The following CACNA2D4 variants were observed in gnomAD, a reference collection of about 807,000 sequenced individuals.
CACNA2D4 encodes calcium voltage-gated channel auxiliary subunit alpha2delta 4.
Under a neutral mutation model 163.8 loss-of-function variants are expected in CACNA2D4, and 157 were observed. That is an observed-to-expected ratio of 0.96 (90% confidence interval 0.84 to 1.09). The LOEUF (loss-of-function observed/expected upper bound fraction) is 1.09, where lower values mean the gene tolerates loss of function less well. Among genes scored for constraint, CACNA2D4 ranks in the 50% least tolerant of loss-of-function variants. CACNA2D4 has a pLI of 0.00. For synonymous variants in CACNA2D4, 598 were observed against 586.9 expected, an observed-to-expected ratio of 1.02 and a Z score of -0.27; for missense variants, 1,410 against 1,479.9, an observed-to-expected ratio of 0.95 and a Z score of 0.78.
At chr12:1,882,166 G>A (rs868616645) in intron 13 of CACNA2D4, among the ~76,000 whole-genome samples, 1 of 152,270 alleles carries the variant, frequency 6.6e-6, no homozygotes, top group African/African-American at 2.4e-5. Context: ...ACAGCAAAGG[G>A]GACAGCAGGG....
intron 23 of CACNA2D4, among the ~76,000 whole-genome samples, chr12:1,849,404 A>G (rs944982597): frequency 5.3e-5 from 8 of 152,178 alleles, no homozygotes; most frequent in African/African-American, 1.9e-4. Context: ...TGCCAATACT[A>G]TTTCTAGCAA....
chr12:1,873,503 A>G (rs1865825676), intron 18 of CACNA2D4, among the ~76,000 whole-genome samples: 1 of 152,228 alleles, frequency 6.6e-6, no homozygotes, highest in Non-Finnish European at 1.5e-5. Flanking sequence ...TGCATGTGTC[A>G]GTCTGTATTA....
chr12:1,807,045 C>T (rs1172552873), intron 29 of CACNA2D4, among the ~76,000 whole-genome samples: 1 of 151,888 alleles, frequency 6.6e-6, no homozygotes, highest in Non-Finnish European at 1.5e-5. Context: ...GTAAGCCCCT[C>T]CTCTTGAGTA....
At chr12:1,891,537 T>TA (rs1866280505) in intron 6 of CACNA2D4, among the ~76,000 whole-genome samples, 1 of 151,874 alleles carries the variant, frequency 6.6e-6, no homozygotes, top group South Asian at 2.1e-4. Flanking sequence ...AGCAAGGAAA[T>TA]ACGACACCTC....
chr12:1,904,141 G>A (rs140309693), intron 6 of CACNA2D4, among the ~76,000 whole-genome samples: 38 of 152,004 alleles, frequency 2.5e-4, no homozygotes, highest in Non-Finnish European at 5.0e-4. Context: ...ACTTCACGTC[G>A]CACTTTTTTG....
At chr12:1,900,970 T>G (rs1264233105) in intron 6 of CACNA2D4, among the ~76,000 whole-genome samples, 5 of 152,136 alleles carry the variant, frequency 3.3e-5, no homozygotes, top group African/African-American at 2.4e-5. Context: ...TCTTAAAACA[T>G]TTCAAAAAAA....
chr12:1,879,869 G>A lies in CACNA2D4; in HGVS notation c.1498C>T (p.Gln500Ter). ...AYMDSKLLSS[Q>*]AQSLTLLTTV... ...GTGAGCAGTGTCAGGCTCTGAGCCT[G>A]CGAGCTGAGGAGCTGTAAGGGAGGG... The change falls in exon 14 of 38, where the codon CAG becomes TAG. Residue 500 changes from glutamine to a stop codon, truncating the protein, a stop_gained. Coordinates refer to ENST00000382722, the MANE Select transcript of CACNA2D4 (RefSeq NM_172364.5). LOFTEE classifies it high-confidence loss of function. 1 of 1,598,430 alleles carries A rather than the reference G, an allele frequency of 6.3e-7. No homozygotes were observed. Among genetic ancestry groups the A allele is most frequent in the African/African-American group, 1.3e-5 (1 of 74,758 alleles).
chr12:1,838,774 A>G (rs1340990117), intron 26 of CACNA2D4, among the ~76,000 whole-genome samples: 1 of 152,212 alleles, frequency 6.6e-6, no homozygotes, highest in Non-Finnish European at 1.5e-5. Context: ...TCAGGTGTAC[A>G]GGAGCTGAGA....
chr12:1,885,895 A>G, intron 9 of CACNA2D4, 70 bp downstream of exon 9: 9 of 1,132,026 alleles, frequency 8.0e-6, no homozygotes, highest in South Asian at 1.3e-5. Context: ...GAAACAGTCT[A>G]CAGAGACAAC....
chr12:1,829,174 C>A lies in CACNA2D4; in HGVS notation c.2551+11565G>T, dbSNP rs2370056. On this transcript the variant is annotated intron_variant, in intron 26 of 37. Coordinates refer to ENST00000382722, the MANE Select transcript of CACNA2D4 (RefSeq NM_172364.5). The surrounding 1 kb of genome is among the most constrained non-coding windows in gnomAD (Gnocchi z 4.2). ...CCTTGATCTCCAGGGAGGTGGGGGG[C>A]GCAGGGAGTCGCTCTTCCGCAGCGG... Among the ~76,000 whole-genome samples the A allele has an allele frequency of 6.6e-6, 1 of 152,160 alleles. No homozygotes were observed. Among genetic ancestry groups the A allele is most frequent in the African/African-American group, 2.4e-5 (1 of 41,430 alleles).
chr12:1,830,883 G>A (rs1444206437), intron 26 of CACNA2D4: 4 of 1,432,316 alleles, frequency 2.8e-6, no homozygotes, highest in Non-Finnish European at 3.8e-6. Context: ...AGAAGCAGGA[G>A]GTGGTGACCC....
At chr12:1,884,088 A>G in intron 12 of CACNA2D4, 155 bp downstream of exon 12, 1 of 589,398 alleles carries the variant, frequency 1.7e-6, no homozygotes, top group East Asian at 2.8e-5. Flanking sequence ...GCTTTTTCCA[A>G]ATATGAAGGA....
Position 1,800,490 on chromosome 12 carries a change from G to C in CACNA2D4, c.2869-52C>G, listed in dbSNP as rs886668298. 5.8e-6 allele frequency: 8 copies of C among 1,382,364 alleles called. No individual in the cohort carries two copies. In the South Asian group the frequency reaches 6.5e-5, roughly 11 times the overall value. The allele number at this position is 1,382,364 out of a possible 1,614,324, so 85.6% of individuals were successfully genotyped here. A position where few individuals can be genotyped will look rare whatever the true frequency, so the allele number is the denominator to read the frequency against. On this transcript the variant is annotated intron_variant, in intron 31 of 37. Coordinates refer to ENST00000382722, the MANE Select transcript of CACNA2D4 (RefSeq NM_172364.5). ...CGCACCTAGGTCCAAGGGTGAGGGT[G>C]CCCCCCCCCCACCACCAGCACCACC...
chr12:1,888,500 T>C (rs1866204463), intron 6 of CACNA2D4, among the ~76,000 whole-genome samples: 1 of 152,158 alleles, frequency 6.6e-6, no homozygotes, highest in Non-Finnish European at 1.5e-5. Flanking sequence ...GAATTACAGA[T>C]GTTGGAATGG....
chr12:1,818,305 A>G (rs1338056863), intron 26 of CACNA2D4, among the ~76,000 whole-genome samples: 1 of 151,948 alleles, frequency 6.6e-6, no homozygotes, highest in African/African-American at 2.4e-5. Flanking sequence ...CCAGGATGAC[A>G]ATGGTGGCTT....
chr12:1,846,767 G>T, intron 23 of CACNA2D4, 78 bp from the exon 24 acceptor site: 4 of 1,149,936 alleles, frequency 3.5e-6, no homozygotes, highest in South Asian at 2.6e-5. Flanking sequence ...GGGTTTGGGG[G>T]CCTCTCCTTG....
At chr12:1,908,062 G>C (rs1027107786) in intron 4 of CACNA2D4, 25 bp from the exon 5 acceptor site, 1 of 1,594,486 alleles carries the variant, frequency 6.3e-7, no homozygotes, top group Non-Finnish European at 8.6e-7. Flanking sequence ...TGAGGCCCAC[G>C]GAGGCGGCCC....
At position 1,860,130 on chromosome 12, in the gene CACNA2D4, G is replaced by C. The variant is rs114870926; in HGVS notation, c.1940+15C>G. The C allele has an allele frequency of 6.2e-7, 1 of 1,607,554 alleles. No homozygotes were observed. Among genetic ancestry groups the C allele is most frequent in the South Asian group, 1.1e-5 (1 of 90,894 alleles). On this transcript the variant is annotated intron_variant, in intron 19 of 37. Transcript: ENST00000382722. The stretch of plus-strand genomic sequence containing the variant: ...TCAACCCTCACCCCGTGCAAATAAA[G>C]CCTGTGTCCCTCACCTGAAAGGGGT...
intron 26 of CACNA2D4, among the ~76,000 whole-genome samples, chr12:1,818,822 A>C (rs1288465174): frequency 1.4e-5 from 2 of 147,334 alleles, no homozygotes; most frequent in Admixed American, 6.8e-5. Flanking sequence ...CCACTCCCTA[A>C]TCTCAAGTAC....
Sources: allele counts gnomAD v4.1 joint callset (sites outside exome capture counted in the v4.1 genomes callset), GRCh38; gene constraint gnomAD v4.1.1; non-coding constraint Gnocchi (gnomAD v3.1); transcripts MANE v1.5; gene names NCBI Gene and HGNC (gene_info 2026-07-23, HGNC 2026-07-21).